The following MYOT variants were observed in gnomAD, a reference collection of about 807,000 sequenced individuals.
MYOT encodes myotilin, also known as 57 kDa cytoskeletal protein.
Under a neutral mutation model 58.0 loss-of-function variants are expected in MYOT, and 36 were observed. That is an observed-to-expected ratio of 0.62 (90% CI 0.48 to 0.82). The LOEUF (loss-of-function observed/expected upper bound fraction) is 0.82. MYOT is among the 40% of genes least tolerant of loss of function. The pLI, the probability that MYOT is intolerant of heterozygous loss-of-function variation, is 0.00. For synonymous variants in MYOT, 218 were observed against 204.6 expected (o/e 1.07, Z -0.56); for missense variants, 505 against 592.1 (o/e 0.85, Z 1.53).
Position 137,887,515 on chromosome 5 carries a change from T to TAAC in MYOT, c.*130_*131insAAC. 1 of 621,830 alleles carries TAAC rather than the reference T, an allele frequency of 1.6e-6. No homozygotes were observed. The highest frequency in any genetic ancestry group is 2.4e-6 in the Non-Finnish European group (1 of 416,262). 38.5% of individuals were successfully genotyped at this position (621,830 alleles called of 1,614,324 possible). ...ATTAGGTAATATAGTTAATATATAT[T>TAAC]TATAATATTATTTATCCTTTGACTC... On this transcript the variant is annotated 3_prime_UTR_variant, in exon 10 of 10. Coordinates refer to ENST00000239926, the MANE Select transcript of MYOT (RefSeq NM_006790.3).
intron 2 of MYOT, 98 bp downstream of exon 2, chr5:137,871,105 ACTATCTAAAAAGGCAATGTGAC>A: frequency 9.7e-7 from 1 of 1,028,444 alleles, no homozygotes; most frequent in African/African-American, 1.6e-5. Context: ...TTCATTCTTT[ACTATCTAAAAAGGCAATGTGAC>A]CTTACAGTCT....
intron 6 of MYOT, chr5:137,883,119 T>C (rs1755487753): frequency 2.4e-6 from 1 of 418,272 alleles, no homozygotes; most frequent in East Asian, 5.2e-5. Context: ...ATGTTCTAAA[T>C]ATAGAAATTA....
intron 3 of MYOT, chr5:137,876,268 A>G: frequency 2.3e-6 from 1 of 432,582 alleles, no homozygotes; most frequent in East Asian, 4.7e-5. Context: ...CTCTCATAAA[A>G]TATGTCTGAT....
chr5:137,879,050 C>T (rs1160248106), intron 4 of MYOT, among the ~76,000 whole-genome samples: 1 of 152,028 alleles, frequency 6.6e-6, no homozygotes, highest in African/African-American at 2.4e-5. Context: ...ATTCTCGTGC[C>T]TCAGACTCCC....
rs147239483 is a variant in MYOT, at chr5:137,886,868, T to C, written c.1195T>C (p.Tyr399His). 23 of 1,560,252 alleles carry C rather than the reference T, an allele frequency of 1.5e-5. No individual in the cohort carries two copies. Among genetic ancestry groups the C allele is most frequent in the South Asian group, 2.2e-5 (2 of 89,896 alleles). The change falls in exon 9 of 10, where the codon TAT (tyrosine) becomes CAT (histidine). Residue 399 changes from tyrosine to histidine, a missense_variant. By Grantham distance (83) the Tyr-to-His change is moderately conservative. Transcript: ENST00000239926. ...TCTTAAAAATTTTTATTTCAGCTTA[T>C]ATCAAGATAACACTGGAAGAGTTAC... The part of the protein sequence containing the change: ...VQFNTDRISL[Y>H]QDNTGRVTLL...
At chr5:137,884,253 G>T (rs569792177) in intron 7 of MYOT, among the ~76,000 whole-genome samples, 1 of 152,216 alleles carries the variant, frequency 6.6e-6, no homozygotes, top group East Asian at 1.9e-4. Context: ...TACTAGAGAG[G>T]CTAAGGCAGG....
chr5:137,870,048 G>T lies in MYOT; in HGVS notation c.-211-393G>T, dbSNP rs75161642. Among the ~76,000 whole-genome samples, 271 of 151,462 alleles carry T rather than the reference G, an allele frequency of 1.8e-3. 2 individuals are homozygous for T. Among genetic ancestry groups the T allele is most frequent in the African/African-American group, 6.0e-3 (249 of 41,208 alleles). On this transcript the variant is annotated intron_variant, in intron 1 of 9. Coordinates refer to ENST00000239926, the MANE Select transcript of MYOT (RefSeq NM_006790.3). ...TCATACCTGTAACTCCAGCACCAAG[G>T]GGGGCTGAGGCGGGAGGATTGCTTG...
rs566153061 is a variant in MYOT, at chr5:137,880,809, T to C, written c.634-7T>C. 2.5e-6 allele frequency: 4 copies of C among 1,610,928 alleles called. No homozygotes were observed. In the South Asian group the frequency reaches 4.4e-5, roughly 18 times the overall value. ...TGTAAACATTCTTACTTTGTTTTAATTTCAAGCAACACAACTCAGAACATG... is the reference window on the plus strand; with the variant it reads ...TGTAAACATTCTTACTTTGTTTTAACTTCAAGCAACACAACTCAGAACATG... On this transcript the variant is annotated splice_region_variant and splice_polypyrimidine_tract_variant and intron_variant, in intron 4 of 9. Transcript: ENST00000239926.
chr5:137,879,559 C>G (rs1755350099), intron 4 of MYOT, among the ~76,000 whole-genome samples: 1 of 117,082 alleles, frequency 8.5e-6, no homozygotes, highest in South Asian at 3.0e-4. Context: ...GAGTCTTGCT[C>G]TGTCACCCAG....
intron 8 of MYOT, 80 bp from the exon 9 acceptor site, chr5:137,886,784 C>G: frequency 9.7e-7 from 1 of 1,027,408 alleles, no homozygotes; most frequent in Non-Finnish European, 1.5e-6. Flanking sequence ...TTTTTTCTTC[C>G]TAGTCTGACT....
At chr5:137,884,607 C>A (rs751027445) in intron 7 of MYOT, among the ~76,000 whole-genome samples, 50 of 152,090 alleles carry the variant, frequency 3.3e-4, no homozygotes, top group Non-Finnish European at 6.2e-4. Context: ...AATCTGAAAT[C>A]TTTAAGATGC....
intron 2 of MYOT, among the ~76,000 whole-genome samples, chr5:137,874,137 T>A (rs971264906): frequency 6.6e-6 from 1 of 152,186 alleles, no homozygotes; most frequent in Non-Finnish European, 1.5e-5. Context: ...TTGAGGGCAG[T>A]GGCTAGTTTC....
At chr5:137,876,151 T>C (rs1160830210) in intron 3 of MYOT, 148 bp downstream of exon 3, 3 of 785,876 alleles carry the variant, frequency 3.8e-6, no homozygotes, top group Non-Finnish European at 6.1e-6. Flanking sequence ...CCTATTCCAT[T>C]TCTCTCTGCA....
chr5:137,871,137 T>A, intron 2 of MYOT, 130 bp downstream of exon 2: 1 of 798,164 alleles, frequency 1.3e-6, no homozygotes, highest in Non-Finnish European at 2.1e-6. Context: ...CCTTACAGTC[T>A]CATTCCATAG....
intron 4 of MYOT, among the ~76,000 whole-genome samples, chr5:137,879,406 TTG>T (rs1755340452): frequency 6.6e-6 from 1 of 152,106 alleles, no homozygotes; most frequent in Non-Finnish European, 1.5e-5. Flanking sequence ...GAGAACCTAC[TTG>T]TATGTTGGGC....
In MYOT at chr5:137,875,946, T is replaced by C; in HGVS notation, c.474T>C (p.Ile158=). The change falls in exon 3 of 10, where the codon ATT becomes ATC. Residue 158 remains isoleucine (I), a synonymous_variant. Transcript: ENST00000239926. ...TACAAGGATCAAAAGAAGCTTTGAT[T>C]CAAGATTTGGAAAGAAAGCTGAAAT... ...HEIQGSKEAL[I]QDLERKLKCK... 6.2e-7 allele frequency: 1 copy of C among 1,614,038 alleles called. No homozygotes were observed. The highest frequency in any genetic ancestry group is 8.5e-7 in the Non-Finnish European group (1 of 1,179,956).
chr5:137,871,052 G>C, intron 2 of MYOT, 45 bp downstream of exon 2: 1 of 1,547,854 alleles, frequency 6.5e-7, no homozygotes. Flanking sequence ...ACTTATATCT[G>C]AGGAGTTTGC....
Position 137,870,273 on chromosome 5 carries a change from T to C in MYOT, c.-211-168T>C, listed in dbSNP as rs569297455. Among the ~76,000 whole-genome samples, 113 of 139,854 alleles carry C rather than the reference T, an allele frequency of 8.1e-4. 1 individual carries two copies. The highest frequency in any genetic ancestry group is 2.5e-3 in the South Asian group (11 of 4,418). The allele number at this position is 139,854 out of a possible 152,430, so 91.7% of individuals were successfully genotyped here. A position where few individuals can be genotyped will look rare whatever the true frequency, so the allele number is the denominator to read the frequency against. ...GGGGCTACAGTGAGCTATGTTCGCC[T>C]GGGCGATTAAGCAAGACACACACAC... is the stretch of plus-strand genomic sequence containing the variant. On this transcript the variant is annotated intron_variant, in intron 1 of 9. Transcript: ENST00000239926.
chr5:137,883,340 C>A (rs1355590993), intron 6 of MYOT, 44 bp from the exon 7 acceptor site: 1 of 1,495,280 alleles, frequency 6.7e-7, no homozygotes, highest in Non-Finnish European at 9.3e-7. Context: ...TTCAGTGATG[C>A]AATACTTTAA....
Sources: allele counts gnomAD v4.1 joint callset (sites outside exome capture counted in the v4.1 genomes callset), GRCh38; gene constraint gnomAD v4.1.1; transcripts MANE v1.5; gene names NCBI Gene and HGNC (gene_info 2026-07-23, HGNC 2026-07-21).